ATG4B: variants seen among roughly 807,000 people sequenced by gnomAD.
ATG4B encodes autophagy related 4B cysteine peptidase.
ATG4B carries 29 observed loss-of-function variants against 56.6 expected under a neutral mutation model. That is an observed-to-expected ratio of 0.51 (90% CI 0.38 to 0.70). The LOEUF (loss-of-function observed/expected upper bound fraction) is 0.70. Among genes scored for constraint, ATG4B ranks in the 30% least tolerant of loss-of-function variants. ATG4B has a pLI of 0.00. For missense variants in ATG4B, 461 were observed against 515.5 expected (o/e 0.89, Z 1.02); for synonymous variants, 224 against 206.1 (o/e 1.09, Z -0.74).
intron 12 of ATG4B, chr2:241,671,647 A>G: frequency 6.9e-7 from 1 of 1,447,664 alleles, no homozygotes; most frequent in South Asian, 1.3e-5. Flanking sequence ...GGCGCTGTGG[A>G]GCTGGGCGTG....
intron 1 of ATG4B, among the ~76,000 whole-genome samples, chr2:241,641,175 G>A (rs1407413830): frequency 6.6e-6 from 1 of 152,204 alleles, no homozygotes; most frequent in Non-Finnish European, 1.5e-5. Flanking sequence ...GAATTTGTTT[G>A]TAGATTGGAA....
At chr2:241,661,398 C>T (rs780039017) in intron 7 of ATG4B, among the ~76,000 whole-genome samples, 8 of 152,164 alleles carry the variant, frequency 5.3e-5, no homozygotes, top group Non-Finnish European at 1.0e-4. Flanking sequence ...TTCTGAATGA[C>T]CCCTACCAAA....
rs1248237629 is a variant in ATG4B, at chr2:241,666,674, G to C, written c.568G>C (p.Ala190Pro). 3.7e-6 allele frequency: 6 copies of C among 1,613,394 alleles called. No individual in the cohort carries two copies. Among genetic ancestry groups the C allele is most frequent in the Non-Finnish European group, 5.1e-6 (6 of 1,179,778 alleles). Residue 190 changes from alanine (A) to proline (P), a missense_variant, in exon 8 of 13, where the codon GCA (alanine) becomes CCA (proline). By Grantham distance (27) the Ala-to-Pro change is conservative. Coordinates refer to ENST00000404914, the MANE Select transcript of ATG4B (RefSeq NM_013325.5). ...GTTGTGCAGGACCAGCGTTCCCTGT[G>C]CAGGCGCCACTGCGTTTCCTGCAGA... ...RRLCRTSVPC[A>P]GATAFPADSD...
At position 241,672,478 on chromosome 2, in the gene ATG4B, G is replaced by C; in HGVS notation, c.*214G>C. On this transcript the variant is annotated 3_prime_UTR_variant, in exon 13 of 13. Transcript: ENST00000404914. ...CAGCTCAGAGTGCCCGTCAGGGCCT[G>C]TGCATCCGCACGCGGAGCCGTCTGT... 1 of 588,128 alleles carries C rather than the reference G, an allele frequency of 1.7e-6. No individual in the cohort carries two copies. Among genetic ancestry groups the C allele is most frequent in the Non-Finnish European group, 3.0e-6 (1 of 330,412 alleles). The allele number at this position is 588,128 out of a possible 1,614,324, so 36.4% of individuals were successfully genotyped here. A position where few individuals can be genotyped will look rare whatever the true frequency, so the allele number is the denominator to read the frequency against.
chr2:241,642,157 C>G (rs1463659648), intron 1 of ATG4B, among the ~76,000 whole-genome samples: 1 of 150,960 alleles, frequency 6.6e-6, no homozygotes, highest in Non-Finnish European at 1.5e-5. Flanking sequence ...GCAGAGGCTG[C>G]TGGGGAGTGG....
At chr2:241,659,287 C>A in intron 7 of ATG4B, 100 bp downstream of exon 7, 1 of 1,063,898 alleles carries the variant, frequency 9.4e-7, no homozygotes, top group East Asian at 2.6e-5. Flanking sequence ...CGAGTGTTGT[C>A]AGTCGCCCCA....
In ATG4B at chr2:241,670,504, C is replaced by G. The variant is rs916567850; in HGVS notation, c.958-222C>G. On this transcript the variant is annotated intron_variant, in intron 10 of 12. Coordinates refer to ENST00000404914, the MANE Select transcript of ATG4B (RefSeq NM_013325.5). ...TCGTGGGCGAATCAAGGCACAGCAA[C>G]GCAGTGGAGCCTGAGGGGAGCCGGG... 5.0e-6 allele frequency: 3 copies of G among 603,096 alleles called. No homozygotes were observed. In the African/African-American group the frequency reaches 5.6e-5, roughly 11 times the overall value. The allele number at this position is 603,096 out of a possible 1,614,324, so 37.4% of individuals were successfully genotyped here.
chr2:241,666,877 C>T (rs373542750), intron 8 of ATG4B, 39 bp downstream of exon 8: 56 of 1,528,298 alleles, frequency 3.7e-5, no homozygotes, highest in Middle Eastern at 2.1e-4. Context: ...GAGTCCCCGT[C>T]CCCTTCTCCC....
rs1465035029 is a variant in ATG4B at position 241,668,389 on chromosome 2, C to G, written c.812-151C>G. 7.3e-7 allele frequency: 1 copy of G among 1,372,614 alleles called. No individual in the cohort carries two copies. The highest frequency in any genetic ancestry group is 1.4e-5 in the African/African-American group (1 of 69,316). 85.0% of individuals were successfully genotyped at this position (1,372,614 alleles called of 1,614,324 possible). On this transcript the variant is annotated intron_variant, in intron 9 of 12. Coordinates refer to ENST00000404914, the MANE Select transcript of ATG4B (RefSeq NM_013325.5). The surrounding 1 kb of genome is among the most constrained non-coding windows in gnomAD (Gnocchi z 4.2). Reference sequence around the variant, plus strand: ...GGGCGGCCTCCTGTGTGCCCCTTTCCCTGATGGTCTGGTGCCCTCGGCTCC... The same window carrying G: ...GGGCGGCCTCCTGTGTGCCCCTTTCGCTGATGGTCTGGTGCCCTCGGCTCC...
At chr2:241,657,230 C>T (rs546870037) in intron 6 of ATG4B, among the ~76,000 whole-genome samples, 2 of 150,414 alleles carry the variant, frequency 1.3e-5, no homozygotes, top group Non-Finnish European at 3.0e-5. Flanking sequence ...CTGCCTTCGC[C>T]TCCCAGAGTG....
At position 241,668,584 on chromosome 2, in the gene ATG4B, G is replaced by C. The variant is rs774308442; in HGVS notation, c.856G>C (p.Val286Leu). Residue 286 changes from valine (V) to leucine (L), a missense_variant, in exon 10 of 13, where the codon GTG (valine) becomes CTG (leucine). Val to Leu is a conservative substitution (Grantham distance 32). Coordinates refer to ENST00000404914, the MANE Select transcript of ATG4B (RefSeq NM_013325.5). The surrounding 1 kb of genome is among the most constrained non-coding windows in gnomAD (Gnocchi z 4.2). ...YLDPHTTQPA[V>L]EPTDGCFIPD... ...GGACCCCCACACCACGCAGCCAGCC[G>C]TGGAGCCCACTGATGGCTGCTTCAT... 1.1e-5 allele frequency: 17 copies of C among 1,607,328 alleles called. No homozygotes were observed. Among genetic ancestry groups the C allele is most frequent in the Non-Finnish European group, 1.4e-5 (17 of 1,178,026 alleles).
intron 1 of ATG4B, among the ~76,000 whole-genome samples, chr2:241,644,748 G>A (rs773788596): frequency 3.3e-5 from 5 of 152,126 alleles, no homozygotes; most frequent in Non-Finnish European, 7.4e-5. Context: ...TGAGGAGTTC[G>A]AGACCAGCCT....
Position 241,651,360 on chromosome 2 carries a change from G to A in ATG4B, c.184+25G>A, listed in dbSNP as rs758760048. ...GGTAAGTACTCTGTTTTATTACAAC[G>A]CGGGACAAAATATGTTTTTAGGAAG... On this transcript the variant is annotated intron_variant, in intron 3 of 12. Coordinates refer to ENST00000404914, the MANE Select transcript of ATG4B (RefSeq NM_013325.5). The surrounding 1 kb of genome is among the most constrained non-coding windows in gnomAD (Gnocchi z 4.1). 51 of 1,530,794 alleles carry A rather than the reference G, an allele frequency of 3.3e-5. No homozygotes were observed. Among genetic ancestry groups the A allele is most frequent in the East Asian group, 1.9e-4 (8 of 43,096 alleles). 94.8% of individuals were successfully genotyped at this position (1,530,794 alleles called of 1,614,324 possible).
chr2:241,644,363 T>C lies in ATG4B; in HGVS notation c.10+6639T>C, dbSNP rs143362656. Among the ~76,000 whole-genome samples the C allele has an allele frequency of 6.6e-3, 999 of 152,076 alleles. 16 individuals are homozygous for C. Among genetic ancestry groups the C allele is most frequent in the African/African-American group, 0.023 (949 of 41,496 alleles). ...TGGGTGACAGAGCCAGAAGGAACGT[T>C]TGGGAATGGAATCATCGTGTTGGTC... is the stretch of plus-strand genomic sequence containing the variant. On this transcript the variant is annotated intron_variant, in intron 1 of 12. Transcript: ENST00000404914.
In ATG4B at chr2:241,651,877, T is replaced by C; in HGVS notation, c.184+542T>C. 7.7e-7 allele frequency: 1 copy of C among 1,302,792 alleles called. No individual in the cohort carries two copies. The highest frequency in any genetic ancestry group is 1.0e-6 in the Non-Finnish European group (1 of 987,620). The allele number at this position is 1,302,792 out of a possible 1,614,324, so 80.7% of individuals were successfully genotyped here. ...TTATGTAACACTAAGGTGCATTCTG[T>C]TAAAAGCCATTCATCATTGTTGTAT... On this transcript the variant is annotated intron_variant, in intron 3 of 12. Coordinates refer to ENST00000404914, the MANE Select transcript of ATG4B (RefSeq NM_013325.5). The surrounding 1 kb of genome is among the most constrained non-coding windows in gnomAD (Gnocchi z 4.1).
At position 241,643,310 on chromosome 2, in the gene ATG4B, T is replaced by C. The variant is rs146611228; in HGVS notation, c.10+5586T>C. ...GCCTTGACCTCCTGGGCTCAAGTGA[T>C]CTTCTTGCCTCACATTCCTCAGTAG... On this transcript the variant is annotated intron_variant, in intron 1 of 12. Coordinates refer to ENST00000404914, the MANE Select transcript of ATG4B (RefSeq NM_013325.5). 5.5e-3 allele frequency among the ~76,000 whole-genome samples: 841 copies of C among 151,546 alleles called. 13 individuals are homozygous for C. The highest frequency in any genetic ancestry group is 0.019 in the African/African-American group (799 of 41,280).
chr2:241,663,536 C>CTG (rs1344254986), intron 7 of ATG4B, among the ~76,000 whole-genome samples: 2 of 152,152 alleles, frequency 1.3e-5, no homozygotes, highest in Admixed American at 1.3e-4. Context: ...AGAAGAAAAC[C>CTG]TGTGTATCTT....
intron 1 of ATG4B, among the ~76,000 whole-genome samples, chr2:241,641,370 G>A (rs1211579250): frequency 6.6e-6 from 1 of 152,156 alleles, no homozygotes; most frequent in Non-Finnish European, 1.5e-5. Context: ...CTAACACGGT[G>A]AAACCCCGTC....
Position 241,668,020 on chromosome 2 carries a change from C to T in ATG4B, c.733-123C>T, listed in dbSNP as rs1237138029. ...AGTAAGCTCTTTGGTACCATGTCCC[C>T]TCCTGTCCCCTCTTGTGTCACCCAG... On this transcript the variant is annotated intron_variant, in intron 8 of 12. Coordinates refer to ENST00000404914, the MANE Select transcript of ATG4B (RefSeq NM_013325.5). The surrounding 1 kb of genome is among the most constrained non-coding windows in gnomAD (Gnocchi z 4.2). 6 of 874,824 alleles carry T rather than the reference C, an allele frequency of 6.9e-6. No individual in the cohort carries two copies. Among genetic ancestry groups the T allele is most frequent in the East Asian group, 2.7e-5 (1 of 37,576 alleles). 54.2% of individuals were successfully genotyped at this position (874,824 alleles called of 1,614,324 possible).
Sources: gnomAD v4.1 joint callset for allele counts (sites outside exome capture counted in the v4.1 genomes callset) on GRCh38, gnomAD v4.1.1 for gene constraint, Gnocchi (gnomAD v3.1) non-coding constraint, MANE v1.5 for transcripts, NCBI Gene and HGNC (gene_info 2026-07-23, HGNC 2026-07-21) for gene names.